The following SSUH2 variants were observed in gnomAD, a reference collection of about 807,000 sequenced individuals.
SSUH2 encodes protein SSUH2 homolog.
SSUH2 carries 47 observed loss-of-function variants against 55.3 expected under a neutral mutation model. The observed-to-expected ratio is 0.85, with a 90% confidence interval of 0.67 to 1.08. SSUH2 has a LOEUF of 1.08. SSUH2 is among the 50% of genes least tolerant of loss of function. The pLI is 0.00. For missense variants in SSUH2, 535 were observed against 490.7 expected (o/e 1.09, Z -0.85); for synonymous variants, 212 against 191.5 (o/e 1.11, Z -0.89).
At chr3:8,660,939 G>A (rs763979025) in intron 6 of SSUH2, among the ~76,000 whole-genome samples, 2 of 152,068 alleles carry the variant, frequency 1.3e-5, no homozygotes, top group Non-Finnish European at 2.9e-5. Context: ...ACCTCCCATT[G>A]GCCAACCCAG....
At chr3:8,629,073 A>G (rs553151135) in intron 7 of SSUH2, among the ~76,000 whole-genome samples, 1 of 152,106 alleles carries the variant, frequency 6.6e-6, no homozygotes, top group Non-Finnish European at 1.5e-5. Context: ...GTTAGCCCAG[A>G]TGGTCTCGAT....
upstream of SSUH2, among the ~76,000 whole-genome samples, chr3:8,648,210 T>C (rs1053111690): frequency 2.0e-5 from 3 of 152,112 alleles, no homozygotes; most frequent in South Asian, 4.1e-4. Context: ...CTTAGAGAGG[T>C]TGAGTGACTT....
At chr3:8,635,708 A>C in intron 2 of SSUH2, 51 bp downstream of exon 2, 1 of 1,453,846 alleles carries the variant, frequency 6.9e-7, no homozygotes, top group South Asian at 1.3e-5. Context: ...CCCACCAACC[A>C]GCGTGAGCCC....
chr3:8,644,783 T>A lies in SSUH2; in HGVS notation c.-25A>T. 1 of 1,535,754 alleles carries A rather than the reference T, an allele frequency of 6.5e-7. No homozygotes were observed. The highest frequency in any genetic ancestry group is 8.7e-7 in the Non-Finnish European group (1 of 1,146,558). ...TGTTCCAGACGTCCTGCCAAAGAGA[T>A]GTCTGCCCTTCGAGTGTGCTTGGAC... On this transcript the variant is annotated 5_prime_UTR_variant, in exon 1 of 12. Transcript: ENST00000544814.
chr3:8,620,558 A>C (rs987350669), intron 11 of SSUH2, among the ~76,000 whole-genome samples: 1 of 152,146 alleles, frequency 6.6e-6, no homozygotes, highest in African/African-American at 2.4e-5. Flanking sequence ...TGTATCTCCT[A>C]CTGTGCTCCT....
intron 1 of SSUH2, chr3:8,639,852 C>G (rs772046937): frequency 1.2e-4 from 77 of 632,442 alleles, no homozygotes; most frequent in Admixed American, 8.2e-4. Context: ...GGACAGGGGC[C>G]CCTGTCTCGT....
At chr3:8,672,012 T>C (rs1704633368) in exon 4 of SSUH2, 1 of 152,116 alleles carries the variant, frequency 6.6e-6, no homozygotes, top group South Asian at 2.1e-4. Context: ...CTGTACTCTT[T>C]GCAGTAATAG....
chr3:8,681,192 A>T (rs551283589), intron 1 of SSUH2, among the ~76,000 whole-genome samples: 6 of 121,044 alleles, frequency 5.0e-5, no homozygotes, highest in Admixed American at 1.7e-4. Flanking sequence ...CAAGGCGGGG[A>T]ATGAGAGCCA....
upstream of SSUH2, among the ~76,000 whole-genome samples, chr3:8,646,344 T>G (rs534130466): frequency 6.6e-6 from 1 of 152,358 alleles, no homozygotes; most frequent in South Asian, 2.1e-4. Context: ...GCGCAATATA[T>G]GCTTACCTAA....
chr3:8,654,043 GACAGAAATGTATTTTCTC>G (rs1365506549), intron 7 of SSUH2, among the ~76,000 whole-genome samples: 4 of 152,190 alleles, frequency 2.6e-5, no homozygotes, highest in African/African-American at 9.7e-5. Context: ...TGGCTTAAAT[GACAGAAATGTATTTTCTC>G]ACCATTTGGA....
upstream of SSUH2, among the ~76,000 whole-genome samples, chr3:8,647,673 ACT>A (rs1559463286): frequency 6.6e-6 from 1 of 152,096 alleles, no homozygotes; most frequent in Admixed American, 6.6e-5. Context: ...CAGAGCCCTC[ACT>A]CTCATTCATC....
chr3:8,629,664 C>G lies in SSUH2; in HGVS notation c.588G>C (p.Thr196=). 1 of 1,613,710 alleles carries G rather than the reference C, an allele frequency of 6.2e-7. No homozygotes were observed. The highest frequency in any genetic ancestry group is 8.5e-7 in the Non-Finnish European group (1 of 1,179,714). Residue 196 remains threonine (T), a splice_region_variant and synonymous_variant, in exon 7 of 12, where the codon ACG becomes ACC. Coordinates refer to ENST00000544814, the MANE Select transcript of SSUH2 (RefSeq NM_001256748.3). ...CACCAGTGGTTCACAGATGACTCAC[C>G]GTGCCCGCCCCGTGGCAGCCGCTGC... ...YKCSGCHGAG[T]VRCPSCCGAK... is the part of the protein sequence containing the mutation.
Position 8,634,445 on chromosome 3 carries a change from C to T in SSUH2, c.210-650G>A, listed in dbSNP as rs1172044778. On this transcript the variant is annotated intron_variant, in intron 3 of 11. Coordinates refer to ENST00000544814, the MANE Select transcript of SSUH2 (RefSeq NM_001256748.3). Reference sequence around the variant, plus strand: ...CCTCCAAGAGGAAAGAATCCTCCTTCCTCCCCTTGCATCTTCATGCATTTC... The same window carrying T: ...CCTCCAAGAGGAAAGAATCCTCCTTTCTCCCCTTGCATCTTCATGCATTTC... 2.3e-6 allele frequency: 3 copies of T among 1,290,214 alleles called. No homozygotes were observed. In the Admixed American group the frequency reaches 6.9e-5, roughly 30 times the overall value. The allele number at this position is 1,290,214 out of a possible 1,614,324, so 79.9% of individuals were successfully genotyped here. A position where few individuals can be genotyped will look rare whatever the true frequency, so the allele number is the denominator to read the frequency against.
chr3:8,634,271 G>A lies in SSUH2; in HGVS notation c.210-476C>T, dbSNP rs73125149. The A allele has an allele frequency of 3.1e-3, 2,295 of 743,128 alleles. 24 individuals carry two copies. Among genetic ancestry groups the A allele is most frequent in the African/African-American group, 0.025 (1,358 of 55,412 alleles). The allele number at this position is 743,128 out of a possible 1,614,324, so 46.0% of individuals were successfully genotyped here. ...GCACTGGCCCAGGGCTGATGGCAGC[G>A]CCCATGGAGACTCACCCTGAGGACC... is the stretch of plus-strand genomic sequence containing the variant. On this transcript the variant is annotated intron_variant, in intron 3 of 11. Coordinates refer to ENST00000544814, the MANE Select transcript of SSUH2 (RefSeq NM_001256748.3).
intron 1 of SSUH2, among the ~76,000 whole-genome samples, chr3:8,638,413 G>C (rs1417316765): frequency 6.6e-6 from 1 of 152,186 alleles, no homozygotes; most frequent in Non-Finnish European, 1.5e-5. Context: ...AAGGTAAATA[G>C]AAAAAAGTTT....
At chr3:8,657,577 G>C (rs1199388355) in intron 7 of SSUH2, among the ~76,000 whole-genome samples, 1 of 152,138 alleles carries the variant, frequency 6.6e-6, no homozygotes, top group Non-Finnish European at 1.5e-5. Context: ...ATCAGGAAAG[G>C]CTGCCTGGAG....
chr3:8,642,909 C>T (rs1280991294), intron 1 of SSUH2, among the ~76,000 whole-genome samples: 2 of 152,102 alleles, frequency 1.3e-5, no homozygotes, highest in Admixed American at 1.3e-4. Flanking sequence ...GCCTCTATAC[C>T]TTGCAGTGAA....
intron 5 of SSUH2, among the ~76,000 whole-genome samples, chr3:8,668,970 G>C (rs1262727156): frequency 6.6e-6 from 1 of 151,936 alleles, no homozygotes; most frequent in African/African-American, 2.4e-5. Context: ...GGGAAGGAAA[G>C]GGAGGAAGGG....
At chr3:8,667,638 T>C (rs1439030970) in intron 5 of SSUH2, among the ~76,000 whole-genome samples, 1 of 152,230 alleles carries the variant, frequency 6.6e-6, no homozygotes, top group African/African-American at 2.4e-5. Flanking sequence ...TTTCTTCTTA[T>C]GGAGGCTTCA....
Sources: gnomAD v4.1 joint callset for allele counts (sites outside exome capture counted in the v4.1 genomes callset) on GRCh38, gnomAD v4.1.1 for gene constraint, MANE v1.5 for transcripts, NCBI Gene and HGNC (gene_info 2026-07-23, HGNC 2026-07-21) for gene names.